Variants in PHYKPL observed in about 807,000 individuals in gnomAD.
PHYKPL encodes the protein 5-phosphohydroxy-L-lysine phospho-lyase.
A neutral mutation model predicts 51.3 loss-of-function variants in PHYKPL; 42 were observed. The observed-to-expected ratio is 0.82, with a 90% CI of 0.64 to 1.06. PHYKPL has a LOEUF of 1.06. PHYKPL is among the 50% of genes least tolerant of loss of function. The pLI, the probability that PHYKPL is intolerant of heterozygous loss-of-function variation, is 0.00. For synonymous variants in PHYKPL, 264 were observed against 236.0 expected, an observed-to-expected ratio of 1.12 and a Z score of -1.09; for missense variants, 655 against 586.6, an observed-to-expected ratio of 1.12 and a Z score of -1.20.
intron 12 of PHYKPL, chr5:178,209,547 G>A: frequency 9.8e-7 from 1 of 1,023,468 alleles, no homozygotes; most frequent in Middle Eastern, 2.2e-4. Flanking sequence ...AGCAGGGGTG[G>A]GCAGATTGTG....
intron 8 of PHYKPL, among the ~76,000 whole-genome samples, chr5:178,217,561 A>G (rs1442126929): frequency 2.6e-5 from 4 of 151,412 alleles, no homozygotes; most frequent in Non-Finnish European, 4.4e-5. Flanking sequence ...AATCAGTGAA[A>G]AAAAAAAAAA....
At chr5:178,210,985 T>C (rs1581195814) in intron 12 of PHYKPL, 1 of 250,570 alleles carries the variant, frequency 4.0e-6, no homozygotes, top group East Asian at 9.5e-5. Flanking sequence ...TTTTCACCTT[T>C]TAATTTTATA....
intron 12 of PHYKPL, chr5:178,209,437 T>G (rs748557865): frequency 1.2e-6 from 2 of 1,613,286 alleles, no homozygotes; most frequent in Non-Finnish European, 8.5e-7. Flanking sequence ...GAGGTGGTGG[T>G]GGAGGTGGAG....
At chr5:178,224,398 G>A (rs538745433) in intron 6 of PHYKPL, 50 bp downstream of exon 6, 44 of 1,487,148 alleles carry the variant, frequency 3.0e-5, no homozygotes, top group South Asian at 2.2e-4. Flanking sequence ...CGGTGACAAC[G>A]GAGGTGACAT....
intron 2 of PHYKPL, 87 bp downstream of exon 2, chr5:178,231,318 C>A: frequency 5.6e-6 from 9 of 1,601,992 alleles, no homozygotes; most frequent in Non-Finnish European, 7.7e-6. Context: ...GTTCTCCACA[C>A]CTCTCGGCAA....
In PHYKPL at chr5:178,215,830, G is replaced by C. The variant is rs118081553; in HGVS notation, c.928-400C>G. The C allele has an allele frequency of 3.7e-3, 633 of 171,094 alleles. 6 individuals carry two copies. The highest frequency in any genetic ancestry group is 0.027 in the East Asian group (151 of 5,564). 10.6% of individuals were successfully genotyped at this position (171,094 alleles called of 1,614,324 possible). ...AGGGAGAGTGAGCGCAGCACGCCAAGCCCCACCCAGGAAAAGCTGCTTCAC... is the reference window on the plus strand; with the variant it reads ...AGGGAGAGTGAGCGCAGCACGCCAACCCCCACCCAGGAAAAGCTGCTTCAC... On this transcript the variant is annotated intron_variant, in intron 8 of 12. Transcript: ENST00000308158.
At chr5:178,210,025 T>C in intron 12 of PHYKPL, 1 of 1,499,742 alleles carries the variant, frequency 6.7e-7, no homozygotes, top group Non-Finnish European at 9.0e-7. Context: ...GGCTTCTGCC[T>C]GAGTTGCCAC....
intron 8 of PHYKPL, chr5:178,216,179 C>T (rs376836604): frequency 1.3e-5 from 2 of 152,174 alleles, no homozygotes; most frequent in African/African-American, 4.8e-5. Flanking sequence ...ATCCACTGAT[C>T]TGCTTTCTGT....
At chr5:178,210,126 C>G (rs375712767) in intron 12 of PHYKPL, 17 of 1,613,974 alleles carry the variant, frequency 1.1e-5, no homozygotes, top group Admixed American at 1.7e-5. Flanking sequence ...CCTGCTCCCC[C>G]CACAGGTCAG....
At chr5:178,207,563 AG>A (rs1400840574), downstream of PHYKPL, among the ~76,000 whole-genome samples, 1 of 152,122 alleles carries the variant, frequency 6.6e-6, no homozygotes, top group Non-Finnish European at 1.5e-5. Flanking sequence ...CTGCAGTTTA[AG>A]GTCTCAGAAG....
rs186558236 is a variant in PHYKPL, at chr5:178,209,595, G to A, written c.*32-680C>T. ...CGAACAGGAATAGGAACGGCTCTGG[G>A]TCAGGGCTGTATGCTTGAGGCTGTT... On this transcript the variant is annotated intron_variant, in intron 12 of 12. Transcript: ENST00000308158. The A allele has an allele frequency of 3.4e-4, 231 of 682,220 alleles. 2 individuals carry two copies. In the East Asian group the frequency reaches 6.1e-3, roughly 18 times the overall value. 42.3% of individuals were successfully genotyped at this position (682,220 alleles called of 1,614,324 possible). A position where few individuals can be genotyped will look rare whatever the true frequency, so the allele number is the denominator to read the frequency against.
At chr5:178,211,055 C>T in intron 12 of PHYKPL, 1 of 191,248 alleles carries the variant, frequency 5.2e-6, no homozygotes, top group Non-Finnish European at 1.1e-5. Flanking sequence ...TTTTTGGTAC[C>T]TTTTGGGAAT....
chr5:178,207,623 TC>T (rs1272555421), downstream of PHYKPL, among the ~76,000 whole-genome samples: 2 of 151,824 alleles, frequency 1.3e-5, no homozygotes, highest in African/African-American at 4.8e-5. Context: ...GTGAAGTTTT[TC>T]TTATTCCAGA....
chr5:178,232,544 C>T lies in PHYKPL; in HGVS notation c.7G>A (p.Ala3Thr). The part of the protein sequence containing the change: MA[A>T]DQRPKADTLA... ...GTGTCGGCCTTCGGGCGCTGGTCTGCGGCCATGGTGGGTGGCCGTCAGTCG... is the reference window on the plus strand; with the variant it reads ...GTGTCGGCCTTCGGGCGCTGGTCTGTGGCCATGGTGGGTGGCCGTCAGTCG... Residue 3 changes from alanine to threonine, a missense_variant, in exon 1 of 13, where the codon GCA becomes ACA. By Grantham distance (58) the Ala-to-Thr change is moderately conservative. Transcript: ENST00000308158. The T allele has an allele frequency of 7.7e-7, 1 of 1,292,948 alleles. No individual in the cohort carries two copies. Among genetic ancestry groups the T allele is most frequent in the Non-Finnish European group, 9.8e-7 (1 of 1,025,322 alleles). 80.1% of individuals were successfully genotyped at this position (1,292,948 alleles called of 1,614,324 possible).
At chr5:178,227,073 C>A (rs1225106814) in intron 3 of PHYKPL, among the ~76,000 whole-genome samples, 1 of 151,840 alleles carries the variant, frequency 6.6e-6, no homozygotes, top group Non-Finnish European at 1.5e-5. Flanking sequence ...CACCCCCCCA[C>A]CCCCAATTTA....
chr5:178,213,973 G>T (rs533857973), intron 10 of PHYKPL, among the ~76,000 whole-genome samples: 1 of 152,292 alleles, frequency 6.6e-6, no homozygotes, highest in Admixed American at 6.5e-5. Context: ...CTTGGGATCT[G>T]TTTCCTTCCA....
chr5:178,231,761 G>A (rs912576254), intron 1 of PHYKPL: 5 of 1,482,062 alleles, frequency 3.4e-6, no homozygotes, highest in Non-Finnish European at 4.5e-6. Flanking sequence ...AGCATTTTCA[G>A]CCTCTGTGGC....
At chr5:178,225,823 G>A in intron 3 of PHYKPL, 1 of 206,800 alleles carries the variant, frequency 4.8e-6, no homozygotes, top group African/African-American at 2.3e-5. Flanking sequence ...ACACCAGTTG[G>A]GTGTCCTCCA....
chr5:178,212,654 T>TCAA (rs1241995175), intron 11 of PHYKPL, among the ~76,000 whole-genome samples: 1 of 152,238 alleles, frequency 6.6e-6, no homozygotes, highest in Non-Finnish European at 1.5e-5. Context: ...TAATGGGGTC[T>TCAA]CAACTCCCAC....
Sources: allele counts gnomAD v4.1 joint callset (sites outside exome capture counted in the v4.1 genomes callset), GRCh38; gene constraint gnomAD v4.1.1; transcripts MANE v1.5; gene names NCBI Gene and HGNC (gene_info 2026-07-23, HGNC 2026-07-21).